Variants in NPAS3 observed in about 807,000 individuals in gnomAD.
NPAS3 encodes neuronal PAS domain protein 3, also known as neuronal PAS domain-containing protein 3.
In NPAS3, 14 loss-of-function variants were observed where a neutral mutation model predicts 73.1. That is an observed-to-expected ratio of 0.19 (90% confidence interval 0.13 to 0.30). The LOEUF (loss-of-function observed/expected upper bound fraction) is 0.30. Ranked by LOEUF, NPAS3 falls within the 10% of genes least tolerant of loss-of-function variation. The pLI is 1.00. For synonymous variants in NPAS3, 620 were observed against 541.5 expected, an observed-to-expected ratio of 1.14 and a Z score of -2.01; for missense variants, 1,096 against 1,250.0, an observed-to-expected ratio of 0.88 and a Z score of 1.86.
intron 6 of NPAS3, among the ~76,000 whole-genome samples, chr14:33,693,596 C>A (rs942925515): frequency 1.3e-5 from 2 of 152,162 alleles, no homozygotes; most frequent in Admixed American, 6.5e-5. Context: ...AAGTCCCATA[C>A]AAACAGTAGC....
intron 3 of NPAS3, among the ~76,000 whole-genome samples, chr14:33,302,260 A>T (rs113560915): frequency 6.6e-6 from 1 of 152,208 alleles, no homozygotes; most frequent in Non-Finnish European, 1.5e-5. Flanking sequence ...TTAAGGAATT[A>T]GGAAGAATAG....
chr14:33,561,006 A>G (rs1353807578), intron 5 of NPAS3, among the ~76,000 whole-genome samples: 1 of 152,186 alleles, frequency 6.6e-6, no homozygotes, highest in Non-Finnish European at 1.5e-5. Context: ...ATTTGCGCCC[A>G]TACAGGTGAT....
intron 4 of NPAS3, among the ~76,000 whole-genome samples, chr14:33,405,956 GA>G (rs1409297732): frequency 6.6e-6 from 1 of 151,972 alleles, no homozygotes; most frequent in Non-Finnish European, 1.5e-5. Context: ...GCCCTGAGGG[GA>G]AAAAAGCGGT....
chr14:33,339,020 T>C (rs1216062516), intron 3 of NPAS3, among the ~76,000 whole-genome samples: 1 of 152,242 alleles, frequency 6.6e-6, no homozygotes, highest in Admixed American at 6.5e-5. Flanking sequence ...TGGGATTTTG[T>C]GCCATATTAT....
intron 2 of NPAS3, among the ~76,000 whole-genome samples, chr14:33,085,680 C>A (rs987505416): frequency 6.6e-6 from 1 of 152,062 alleles, no homozygotes; most frequent in Non-Finnish European, 1.5e-5. Context: ...ACTAAGCATG[C>A]CGTTTTTCTT....
chr14:33,774,758 T>C (rs1233550779), intron 8 of NPAS3, among the ~76,000 whole-genome samples: 1 of 152,166 alleles, frequency 6.6e-6, no homozygotes, highest in Admixed American at 6.5e-5. Context: ...TACCCAGACA[T>C]CCATATGCTA....
intron 6 of NPAS3, among the ~76,000 whole-genome samples, chr14:33,695,991 G>A (rs1424075970): frequency 6.6e-6 from 1 of 152,172 alleles, no homozygotes; most frequent in Non-Finnish European, 1.5e-5. Flanking sequence ...TCCTCTCGAA[G>A]AAGAAATATT....
intron 4 of NPAS3, among the ~76,000 whole-genome samples, chr14:33,450,457 A>G (rs188590901): frequency 1.3e-5 from 2 of 152,292 alleles, no homozygotes; most frequent in East Asian, 1.9e-4. Flanking sequence ...CTAGTCTCCC[A>G]AACTATTTTT....
At chr14:33,341,753 A>G (rs74042059) in intron 3 of NPAS3, among the ~76,000 whole-genome samples, 3,606 of 152,280 alleles carry the variant, frequency 0.024, 137 homozygotes, top group African/African-American at 0.081. Flanking sequence ...GTTGCTCTGC[A>G]TCTTGTGTTG....
chr14:33,621,883 C>A (rs2058085368), intron 5 of NPAS3, among the ~76,000 whole-genome samples: 1 of 152,054 alleles, frequency 6.6e-6, no homozygotes, highest in South Asian at 2.1e-4. Flanking sequence ...GAAAAAGACA[C>A]AGTACAAAAT....
chr14:33,707,474 A>C (rs1172994448), intron 6 of NPAS3, among the ~76,000 whole-genome samples: 1 of 152,228 alleles, frequency 6.6e-6, no homozygotes, highest in Non-Finnish European at 1.5e-5. Flanking sequence ...TAAAATCCAT[A>C]GAATCAGCAT....
At position 33,749,699 on chromosome 14, in the gene NPAS3, AG is replaced by A. The variant is rs569010573; in HGVS notation, c.852+14369del. Among the ~76,000 whole-genome samples the A allele has an allele frequency of 2.0e-3, 297 of 152,292 alleles. 2 individuals carry two copies. The highest frequency in any genetic ancestry group is 6.7e-3 in the African/African-American group (278 of 41,566). ...TGTGGATTTGATCTCTAGGACAAAAAGGTGGCACTGCGTAGCACCTCCAGGT... is the reference window on the plus strand; with the variant it reads ...TGTGGATTTGATCTCTAGGACAAAAAGTGGCACTGCGTAGCACCTCCAGGT... On this transcript the variant is annotated intron_variant, in intron 7 of 11. Coordinates refer to ENST00000356141, the Ensembl canonical transcript of NPAS3.
chr14:33,367,416 T>C (rs2045893821), intron 4 of NPAS3, 148 bp downstream of exon 4: 1 of 534,534 alleles, frequency 1.9e-6, no homozygotes, highest in East Asian at 3.2e-5. Context: ...CTTATGAGTT[T>C]ATTTTTTTCT....
At chr14:33,582,959 A>G (rs1391687850) in intron 5 of NPAS3, among the ~76,000 whole-genome samples, 1 of 97,276 alleles carries the variant, frequency 1.0e-5, no homozygotes, top group African/African-American at 6.7e-5. Context: ...TTGGACCTAG[A>G]TATTTAAAGG....
chr14:33,368,703 T>G (rs570080974), intron 4 of NPAS3, among the ~76,000 whole-genome samples: 2 of 152,324 alleles, frequency 1.3e-5, no homozygotes, highest in Non-Finnish European at 2.9e-5. Context: ...AAATTTTGAA[T>G]TACCTTTGTT....
At chr14:33,096,638 T>C (rs1411723576) in intron 2 of NPAS3, among the ~76,000 whole-genome samples, 2 of 152,212 alleles carry the variant, frequency 1.3e-5, no homozygotes, top group African/African-American at 4.8e-5. Flanking sequence ...GCAATGTGTG[T>C]TTCTATGATT....
chr14:33,095,641 G>T (rs954401602), intron 2 of NPAS3, among the ~76,000 whole-genome samples: 1 of 148,692 alleles, frequency 6.7e-6, no homozygotes, highest in East Asian at 2.0e-4. Context: ...TTACACAAAG[G>T]CGTGGGCATT....
At chr14:33,060,188 G>T (rs1595355522) in intron 2 of NPAS3, among the ~76,000 whole-genome samples, 1 of 152,220 alleles carries the variant, frequency 6.6e-6, no homozygotes, top group East Asian at 1.9e-4. Flanking sequence ...AGTGAGGAAA[G>T]ATAAGTAGGA....
At chr14:33,704,847 T>A (rs2060614782) in intron 6 of NPAS3, among the ~76,000 whole-genome samples, 1 of 152,140 alleles carries the variant, frequency 6.6e-6, no homozygotes, top group Non-Finnish European at 1.5e-5. Flanking sequence ...AAGAAAAGGC[T>A]TTTATAAAAG....
Sources: gnomAD v4.1 joint callset for allele counts (sites outside exome capture counted in the v4.1 genomes callset) on GRCh38, gnomAD v4.1.1 for gene constraint, MANE v1.5 for transcripts, NCBI Gene and HGNC (gene_info 2026-07-23, HGNC 2026-07-21) for gene names.